PRKN: variants seen among roughly 807,000 people sequenced by gnomAD.
PRKN encodes the protein E3 ubiquitin-protein ligase parkin.
In PRKN, 56 loss-of-function variants were observed where a neutral mutation model predicts 59.5. The ratio of observed to expected loss-of-function variants is 0.94; its 90% CI spans 0.76 to 1.18. The LOEUF is 1.18. Among genes scored for constraint, PRKN ranks in the 50% most tolerant of loss-of-function variants. The pLI, the probability that PRKN is intolerant of heterozygous loss-of-function variation, is 0.00. For missense variants in PRKN, 657 were observed against 596.4 expected (o/e 1.10, Z -1.06); for synonymous variants, 250 against 222.1 (o/e 1.13, Z -1.12).
intron 1 of PRKN, among the ~76,000 whole-genome samples, chr6:162,512,506 A>G (rs2128190834): frequency 6.6e-6 from 1 of 152,356 alleles, no homozygotes; most frequent in East Asian, 1.9e-4. Flanking sequence ...ATAGGTTCTC[A>G]GCCTTATTTA....
intron 1 of PRKN, among the ~76,000 whole-genome samples, chr6:162,473,653 T>G (rs968046098): frequency 5.3e-5 from 8 of 152,184 alleles, no homozygotes; most frequent in Non-Finnish European, 1.2e-4. Context: ...AAGATAGTGG[T>G]CATTCTTTTT....
intron 2 of PRKN, among the ~76,000 whole-genome samples, chr6:162,300,497 C>A (rs1265495204): frequency 6.6e-6 from 1 of 151,776 alleles, no homozygotes; most frequent in Non-Finnish European, 1.5e-5. Flanking sequence ...CAGCTCTCTG[C>A]GTTTTTTTTT....
chr6:161,435,606 CAG>C (rs1788844453), intron 9 of PRKN, among the ~76,000 whole-genome samples: 1 of 151,900 alleles, frequency 6.6e-6, no homozygotes, highest in African/African-American at 2.4e-5. Context: ...TCAGAGGTGT[CAG>C]GGGCCAGCTC....
chr6:161,550,692 G>A lies in PRKN; in HGVS notation c.934-1689C>T, dbSNP rs1779972236. Among the ~76,000 whole-genome samples, 2 of 90,070 alleles carry A rather than the reference G, an allele frequency of 2.2e-5. No individual in the cohort carries two copies. The highest frequency in any genetic ancestry group is 4.7e-5 in the Non-Finnish European group (2 of 42,288). 59.1% of individuals were successfully genotyped at this position (90,070 alleles called of 152,430 possible). On this transcript the variant is annotated intron_variant, in intron 8 of 11. Coordinates refer to ENST00000366898, the MANE Select transcript of PRKN (RefSeq NM_004562.3). This position sits in a 1 kb window ranked among gnomAD's most constrained non-coding sequence, Gnocchi z 4.0. ...TCCTGAGAAGACAGGAGGCGGGTAG[G>A]GGTGGGGACAACTGTGGTAGAAGAA... is the stretch of plus-strand genomic sequence containing the variant.
chr6:161,834,534 C>T (rs1792658654), intron 6 of PRKN, among the ~76,000 whole-genome samples: 1 of 152,158 alleles, frequency 6.6e-6, no homozygotes, highest in South Asian at 2.1e-4. Flanking sequence ...TTGAATAACA[C>T]CATCAATGAG....
intron 1 of PRKN, among the ~76,000 whole-genome samples, chr6:162,582,094 T>C (rs1367261573): frequency 1.3e-5 from 2 of 152,238 alleles, no homozygotes; most frequent in Non-Finnish European, 2.9e-5. Flanking sequence ...GTTAAGTCTC[T>C]TATCTGCAAA....
chr6:162,234,702 G>C (rs1315140220), intron 3 of PRKN, among the ~76,000 whole-genome samples: 2 of 152,118 alleles, frequency 1.3e-5, no homozygotes, highest in South Asian at 2.1e-4. Context: ...ATTTTTTACT[G>C]CTTTTCCACC....
intron 2 of PRKN, among the ~76,000 whole-genome samples, chr6:162,266,869 C>A (rs1332994749): frequency 1.3e-5 from 2 of 152,162 alleles, no homozygotes; most frequent in Non-Finnish European, 2.9e-5. Context: ...TGTCAGAATT[C>A]TGTTTAGCTG....
At chr6:161,634,751 C>T (rs529499802) in intron 7 of PRKN, among the ~76,000 whole-genome samples, 1 of 152,280 alleles carries the variant, frequency 6.6e-6, no homozygotes, top group Non-Finnish European at 1.5e-5. Flanking sequence ...AGGCTGCCCT[C>T]CACATTAGTA....
At chr6:162,500,789 T>G (rs575919629) in intron 1 of PRKN, among the ~76,000 whole-genome samples, 6 of 152,314 alleles carry the variant, frequency 3.9e-5, no homozygotes, top group Admixed American at 1.3e-4. Flanking sequence ...AAGAAGGGCC[T>G]TAAATGTACC....
intron 7 of PRKN, among the ~76,000 whole-genome samples, chr6:161,763,989 C>A (rs1789318005): frequency 6.6e-6 from 1 of 152,160 alleles, no homozygotes; most frequent in South Asian, 2.1e-4. Flanking sequence ...CATGCCACTT[C>A]TCTTATATGA....
In PRKN at chr6:162,546,632, T is replaced by TG. The variant is rs1441550063; in HGVS notation, c.8-103160dup. Among the ~76,000 whole-genome samples the TG allele has an allele frequency of 3.3e-5, 5 of 149,840 alleles. No homozygotes were observed. The South Asian group carries it at 8.5e-4, about 25-fold the overall frequency. ...CTAATTTTTGTATTTTTAGTTGAGA[T>TG]GGGGTTTCACCATGCTGGCCAGGAT... On this transcript the variant is annotated intron_variant, in intron 1 of 11. Transcript: ENST00000366898.
At chr6:162,717,033 G>A (rs1200410507) in intron 1 of PRKN, among the ~76,000 whole-genome samples, 1 of 152,184 alleles carries the variant, frequency 6.6e-6, no homozygotes, top group Non-Finnish European at 1.5e-5. Flanking sequence ...ATGTGATTAA[G>A]GATCTGGAGA....
At chr6:161,476,093 C>A (rs7762273) in intron 9 of PRKN, among the ~76,000 whole-genome samples, 36,027 of 150,218 alleles carry the variant, frequency 0.24, 4,651 homozygotes, top group African/African-American at 0.34. Flanking sequence ...AGGCTGAGGC[C>A]GGAGAATGGT....
At chr6:161,904,210 G>A (rs1380379797) in intron 6 of PRKN, among the ~76,000 whole-genome samples, 10 of 151,828 alleles carry the variant, frequency 6.6e-5, no homozygotes, top group African/African-American at 2.4e-4. Context: ...GCTGGGTCCT[G>A]AGGATGCTGA....
intron 1 of PRKN, among the ~76,000 whole-genome samples, chr6:162,726,443 G>A (rs1012419463): frequency 9.9e-5 from 15 of 152,002 alleles, no homozygotes; most frequent in African/African-American, 2.9e-4. Context: ...TATTTTTTTC[G>A]TAATTTGATT....
intron 2 of PRKN, among the ~76,000 whole-genome samples, chr6:162,333,975 A>T (rs1783712526): frequency 6.6e-6 from 1 of 152,192 alleles, no homozygotes; most frequent in South Asian, 2.1e-4. Context: ...AGTTATCTGG[A>T]TACAAGATCG....
chr6:162,108,458 G>A (rs113353636), intron 4 of PRKN, among the ~76,000 whole-genome samples: 3 of 152,000 alleles, frequency 2.0e-5, no homozygotes, highest in South Asian at 2.1e-4. Flanking sequence ...TTAGCAAATC[G>A]CACATTTTAC....
At chr6:162,376,791 GA>G (rs1786120245) in intron 2 of PRKN, among the ~76,000 whole-genome samples, 2 of 84,900 alleles carry the variant, frequency 2.4e-5, no homozygotes, top group African/African-American at 9.6e-5. Flanking sequence ...GGGAGGGGAG[GA>G]GGAGAGAGAG....
Sources: allele counts gnomAD v4.1 joint callset (sites outside exome capture counted in the v4.1 genomes callset), GRCh38; gene constraint gnomAD v4.1.1; non-coding constraint Gnocchi (gnomAD v3.1); transcripts MANE v1.5; gene names NCBI Gene and HGNC (gene_info 2026-07-23, HGNC 2026-07-21).